The following HIVEP3 variants were observed in gnomAD, a reference collection of about 807,000 sequenced individuals.
HIVEP3 encodes the protein HIVEP zinc finger 3, also known as transcription factor HIVEP3.
HIVEP3 carries 49 observed loss-of-function variants against 152.8 expected under a neutral mutation model. The observed-to-expected ratio is 0.32, with a 90% CI of 0.26 to 0.41. The LOEUF (loss-of-function observed/expected upper bound fraction) is 0.41. Among genes scored for constraint, HIVEP3 ranks in the 10% least tolerant of loss-of-function variants. The probability of loss-of-function intolerance (pLI) is 1.00; values close to 1 mark genes in which losing one functional copy is unlikely to be tolerated. For missense variants in HIVEP3, 2,790 were observed against 3,103.3 expected, an observed-to-expected ratio of 0.90 and a Z score of 2.40; for synonymous variants, 1,269 against 1,289.0, an observed-to-expected ratio of 0.98 and a Z score of 0.33.
intron 1 of HIVEP3, among the ~76,000 whole-genome samples, chr1:41,704,836 T>C (rs1646410813): frequency 6.6e-6 from 1 of 152,228 alleles, no homozygotes; most frequent in South Asian, 2.1e-4. Flanking sequence ...ATAGAACTAA[T>C]AAATGACAAA....
At chr1:41,714,112 G>A (rs989788210) in intron 1 of HIVEP3, among the ~76,000 whole-genome samples, 19 of 152,316 alleles carry the variant, frequency 1.2e-4, no homozygotes, top group African/African-American at 4.3e-4. Context: ...TTATGACTCC[G>A]ATGAGCTCAC....
intron 5 of HIVEP3, among the ~76,000 whole-genome samples, chr1:41,569,026 G>A (rs1644212375): frequency 6.6e-6 from 1 of 152,114 alleles, no homozygotes; most frequent in South Asian, 2.1e-4. Context: ...TCCCGCTCTT[G>A]CTCCTGCTCC....
chr1:41,577,864 G>C (rs1267307186), intron 4 of HIVEP3, among the ~76,000 whole-genome samples: 1 of 152,204 alleles, frequency 6.6e-6, no homozygotes, highest in African/African-American at 2.4e-5. Context: ...AAGGCCTTAA[G>C]CCATAGACCA....
chr1:41,905,666 C>T (rs193078468), intron 1 of HIVEP3, among the ~76,000 whole-genome samples: 1 of 152,274 alleles, frequency 6.6e-6, no homozygotes, highest in East Asian at 1.9e-4. Context: ...GGATTTGAAC[C>T]CTGTGCTCTT....
intron 1 of HIVEP3, among the ~76,000 whole-genome samples, chr1:41,891,268 G>C (rs528583263): frequency 1.3e-5 from 2 of 152,276 alleles, no homozygotes; most frequent in East Asian, 3.9e-4. Flanking sequence ...CAGCAGGCAG[G>C]CCCAACCCCA....
intron 2 of HIVEP3, among the ~76,000 whole-genome samples, chr1:41,681,164 G>T (rs574960289): frequency 1.3e-5 from 2 of 152,066 alleles, no homozygotes; most frequent in Non-Finnish European, 2.9e-5. Context: ...CACAATCACA[G>T]CTCACTGAAA....
In HIVEP3 at chr1:41,808,096, C is replaced by T. The variant is rs367787003; in HGVS notation, c.-800-107101G>A. 5.9e-5 allele frequency among the ~76,000 whole-genome samples: 9 copies of T among 152,148 alleles called. 1 individual carries two copies. Among genetic ancestry groups the T allele is most frequent in the African/African-American group, 2.2e-4 (9 of 41,574 alleles). On this transcript the variant is annotated intron_variant, in intron 1 of 8. Coordinates refer to ENST00000372583, the MANE Select transcript of HIVEP3 (RefSeq NM_024503.5). ...TGTCCTAAGCACTTCATAAACACTA[C>T]CCCCATTTAATCTTCACAACAACCC...
chr1:41,941,339 T>C (rs981748948), intron 1 of HIVEP3, among the ~76,000 whole-genome samples: 1 of 152,184 alleles, frequency 6.6e-6, no homozygotes, highest in Admixed American at 6.5e-5. Flanking sequence ...TGGAAGACGA[T>C]GGCCAAGGAG....
intron 1 of HIVEP3, among the ~76,000 whole-genome samples, chr1:41,841,349 C>T (rs1643282333): frequency 6.6e-6 from 1 of 152,152 alleles, no homozygotes; most frequent in Admixed American, 6.5e-5. Flanking sequence ...TCCAGAAACG[C>T]GGTGTTTATT....
At chr1:42,017,811 T>C (rs917685544) in intron 1 of HIVEP3, among the ~76,000 whole-genome samples, 1 of 152,094 alleles carries the variant, frequency 6.6e-6, no homozygotes, top group Non-Finnish European at 1.5e-5. Context: ...ACAGAGTGTA[T>C]GTTCAGCTTT....
chr1:41,842,113 T>G (rs890095701), intron 1 of HIVEP3, among the ~76,000 whole-genome samples: 10 of 151,952 alleles, frequency 6.6e-5, no homozygotes, highest in Non-Finnish European at 1.0e-4. Context: ...TCACTGTTAA[T>G]GATTATGATG....
intron 1 of HIVEP3, among the ~76,000 whole-genome samples, chr1:41,852,673 T>C (rs1435404284): frequency 1.3e-5 from 2 of 152,168 alleles, no homozygotes; most frequent in Admixed American, 6.5e-5. Flanking sequence ...CAATTTCTCA[T>C]TGACCAAACT....
intron 1 of HIVEP3, among the ~76,000 whole-genome samples, chr1:41,820,861 T>C (rs906994484): frequency 6.6e-6 from 1 of 152,246 alleles, no homozygotes; most frequent in Admixed American, 6.5e-5. Context: ...CAAATATTTA[T>C]TGCATGAATG....
intron 1 of HIVEP3, among the ~76,000 whole-genome samples, chr1:41,851,763 G>A (rs1643608160): frequency 6.6e-6 from 1 of 152,238 alleles, no homozygotes; most frequent in Non-Finnish European, 1.5e-5. Context: ...GGACAGAGAA[G>A]AGGAAGTTGC....
intron 2 of HIVEP3, among the ~76,000 whole-genome samples, chr1:41,644,787 G>A (rs1645434557): frequency 6.7e-6 from 1 of 149,508 alleles, no homozygotes; most frequent in East Asian, 2.0e-4. Flanking sequence ...AGGGAGGTGA[G>A]GATTATCCAA....
intron 1 of HIVEP3, among the ~76,000 whole-genome samples, chr1:41,858,538 T>C (rs1048759784): frequency 5.3e-5 from 8 of 152,162 alleles, no homozygotes; most frequent in Non-Finnish European, 1.2e-4. Context: ...TCTCCTAGGA[T>C]ATGTGCTCAT....
At chr1:41,513,865 T>C (rs1187164044) in intron 7 of HIVEP3, 115 bp from the exon 8 acceptor site, 1 of 785,214 alleles carries the variant, frequency 1.3e-6, no homozygotes, top group African/African-American at 1.8e-5. Flanking sequence ...AAAATAGCCA[T>C]CGCAAGGGCA....
At chr1:41,735,704 G>T (rs111414431) in intron 1 of HIVEP3, among the ~76,000 whole-genome samples, 1 of 152,062 alleles carries the variant, frequency 6.6e-6, no homozygotes, top group Non-Finnish European at 1.5e-5. Flanking sequence ...CTCCTCCTCC[G>T]TCAGCACAGG....
intron 1 of HIVEP3, among the ~76,000 whole-genome samples, chr1:41,705,489 G>A (rs935987454): frequency 2.6e-5 from 4 of 152,210 alleles, no homozygotes; most frequent in Non-Finnish European, 5.9e-5. Flanking sequence ...ATGTTTGCTT[G>A]TATCTTGCCT....
Sources: allele counts gnomAD v4.1 joint callset (sites outside exome capture counted in the v4.1 genomes callset), GRCh38; gene constraint gnomAD v4.1.1; transcripts MANE v1.5; gene names NCBI Gene and HGNC (gene_info 2026-07-23, HGNC 2026-07-21).